PAX7: variants seen among roughly 807,000 people sequenced by gnomAD.
PAX7 encodes paired box 7.
In PAX7, 18 loss-of-function variants were observed where a neutral mutation model predicts 50.7. The ratio of observed to expected loss-of-function variants is 0.36; its 90% CI spans 0.25 to 0.53. The LOEUF is 0.53. PAX7 is among the 20% of genes least tolerant of loss of function. PAX7 has a pLI of 0.93. For missense variants in PAX7, 644 were observed against 702.9 expected (o/e 0.92, Z 0.95); for synonymous variants, 310 against 290.4 (o/e 1.07, Z -0.69).
intron 7 of PAX7, among the ~76,000 whole-genome samples, chr1:18,734,341 G>A (rs1326301049): frequency 6.6e-6 from 1 of 152,112 alleles, no homozygotes; most frequent in African/African-American, 2.4e-5. Context: ...ATCACCAGGA[G>A]GTCATCAGGG....
chr1:18,642,436 G>T (rs1250605580), intron 4 of PAX7, among the ~76,000 whole-genome samples: 10 of 152,202 alleles, frequency 6.6e-5, no homozygotes, highest in Admixed American at 6.5e-4. Flanking sequence ...GACCCCCAAA[G>T]AAAGGTTCTC....
chr1:18,739,643 G>C (rs964747591), intron 8 of PAX7, among the ~76,000 whole-genome samples: 1 of 152,184 alleles, frequency 6.6e-6, no homozygotes, highest in Non-Finnish European at 1.5e-5. Context: ...GGTTCCTGGA[G>C]AGCCACCTTC....
chr1:18,721,414 C>T (rs2089492271), intron 7 of PAX7, among the ~76,000 whole-genome samples: 2 of 152,206 alleles, frequency 1.3e-5, no homozygotes, highest in African/African-American at 2.4e-5. Flanking sequence ...TTCCCGAATC[C>T]CTTCCTGGTT....
intron 4 of PAX7, among the ~76,000 whole-genome samples, chr1:18,668,133 A>C (rs2088695925): frequency 6.6e-6 from 1 of 152,142 alleles, no homozygotes; most frequent in Non-Finnish European, 1.5e-5. Context: ...CCATTAAATC[A>C]AAATGGACAG....
chr1:18,666,205 C>A (rs961415356), intron 4 of PAX7, among the ~76,000 whole-genome samples: 3 of 152,208 alleles, frequency 2.0e-5, no homozygotes, highest in Non-Finnish European at 4.4e-5. Flanking sequence ...CTCCTTTCCC[C>A]AGGCTGTGCC....
Position 18,658,687 on chromosome 1 carries a change from G to A in PAX7, c.586+22316G>A, listed in dbSNP as rs116272647. Among the ~76,000 whole-genome samples, 292 of 152,346 alleles carry A rather than the reference G, an allele frequency of 1.9e-3. 2 individuals carry two copies. Among genetic ancestry groups the A allele is most frequent in the African/African-American group, 6.7e-3 (280 of 41,578 alleles). ...TTCTATGGCAGGCTTCTGCCCGGCT[G>A]ACTATGGCTCAGGCAGCTCAGAGAG... On this transcript the variant is annotated intron_variant, in intron 4 of 8. Transcript: ENST00000420770.
chr1:18,680,694 G>A (rs545545191), intron 4 of PAX7, among the ~76,000 whole-genome samples: 7 of 152,228 alleles, frequency 4.6e-5, no homozygotes, highest in South Asian at 2.1e-4. Flanking sequence ...AGGACCAAGC[G>A]GGCAAGCCCT....
intron 5 of PAX7, among the ~76,000 whole-genome samples, chr1:18,698,057 A>G (rs934569875): frequency 3.3e-5 from 5 of 152,154 alleles, no homozygotes; most frequent in African/African-American, 1.2e-4. Flanking sequence ...TTTATTCAGC[A>G]TTCTTTTTTT....
chr1:18,672,046 CA>C (rs1267590149), intron 4 of PAX7, among the ~76,000 whole-genome samples: 2 of 151,930 alleles, frequency 1.3e-5, no homozygotes, highest in Non-Finnish European at 2.9e-5. Flanking sequence ...GTGTAGTTGT[CA>C]AGATGAAATG....
intron 7 of PAX7, among the ~76,000 whole-genome samples, chr1:18,725,705 A>G (rs1200094218): frequency 2.0e-5 from 3 of 152,164 alleles, no homozygotes; most frequent in South Asian, 2.1e-4. Context: ...CTTCCCCCCG[A>G]GCCTCGCCGC....
At chr1:18,701,687 TC>T (rs1476145080) in intron 6 of PAX7, among the ~76,000 whole-genome samples, 26 of 152,068 alleles carry the variant, frequency 1.7e-4, no homozygotes, top group Non-Finnish European at 2.1e-4. Flanking sequence ...TATGAGGGAT[TC>T]CCCCCACTCT....
rs1557520261 is a variant in PAX7, at chr1:18,670,461, G to A, written c.587-21293G>A. Among the ~76,000 whole-genome samples the A allele has an allele frequency of 2.0e-5, 3 of 152,114 alleles. No homozygotes were observed. In the South Asian group the frequency reaches 6.2e-4, roughly 31 times the overall value. On this transcript the variant is annotated intron_variant, in intron 4 of 8. Coordinates refer to ENST00000420770, the MANE Select transcript of PAX7 (RefSeq NM_001135254.2). Reference sequence around the variant, plus strand: ...AAAGTCCTGAGTGCCCAGGCCCAGGGGACCTGTCTGCGCCCCTCCCACCTC... The same window carrying A: ...AAAGTCCTGAGTGCCCAGGCCCAGGAGACCTGTCTGCGCCCCTCCCACCTC...
intron 7 of PAX7, among the ~76,000 whole-genome samples, chr1:18,705,245 G>A (rs149759662): frequency 0.013 from 2,046 of 152,270 alleles, 40 homozygotes; most frequent in South Asian, 0.051. Flanking sequence ...TCAAGGTCAT[G>A]GCCTCCATCT....
At chr1:18,742,275 A>G (rs1366417022) in intron 8 of PAX7, among the ~76,000 whole-genome samples, 1 of 148,936 alleles carries the variant, frequency 6.7e-6, no homozygotes, top group Non-Finnish European at 1.5e-5. Context: ...CTCCTGCCTC[A>G]GCATCCCGAG....
In PAX7 at chr1:18,636,147, G is replaced by C; in HGVS notation, c.452-90G>C. 7.4e-7 allele frequency: 1 copy of C among 1,352,190 alleles called. No homozygotes were observed. Among genetic ancestry groups the C allele is most frequent in the South Asian group, 1.3e-5 (1 of 76,438 alleles). 83.8% of individuals were successfully genotyped at this position (1,352,190 alleles called of 1,614,324 possible). On this transcript the variant is annotated intron_variant, in intron 3 of 8. Coordinates refer to ENST00000420770, the MANE Select transcript of PAX7 (RefSeq NM_001135254.2). This position sits in a 1 kb window ranked among gnomAD's most constrained non-coding sequence, Gnocchi z 5.1. The stretch of plus-strand genomic sequence containing the variant: ...ATGGATATCTGTAAGGAAGCAGGGG[G>C]CTTCCTGACTTTCTCCCAGGGGCCC...
chr1:18,670,188 C>T (rs1293081878), intron 4 of PAX7, among the ~76,000 whole-genome samples: 1 of 152,094 alleles, frequency 6.6e-6, no homozygotes, highest in Non-Finnish European at 1.5e-5. Flanking sequence ...ATCTTAGACC[C>T]CCTGCCTATA....
Position 18,632,179 on chromosome 1 carries a change from C to T in PAX7, c.85+491C>T, listed in dbSNP as rs913391551. Among the ~76,000 whole-genome samples the T allele has an allele frequency of 2.0e-5, 3 of 152,190 alleles. No homozygotes were observed. Among genetic ancestry groups the T allele is most frequent in the African/African-American group, 7.2e-5 (3 of 41,434 alleles). ...ATATGCCTCAACTACCACGGCTATC[C>T]ATTTCTTCCGAAGCCACAGTCAAAC... On this transcript the variant is annotated intron_variant, in intron 1 of 8. Coordinates refer to ENST00000420770, the MANE Select transcript of PAX7 (RefSeq NM_001135254.2). The surrounding 1 kb of genome is among the most constrained non-coding windows in gnomAD (Gnocchi z 6.3).
chr1:18,709,037 G>T lies in PAX7; in HGVS notation c.1155+5741G>T, dbSNP rs529507142. ...GCAGGCAGGGTGCCTTGTGCTGGAG[G>T]CTTCCTCAGGGCCCAGGTGGTGTGT... On this transcript the variant is annotated intron_variant, in intron 7 of 8. Coordinates refer to ENST00000420770, the MANE Select transcript of PAX7 (RefSeq NM_001135254.2). 5.9e-5 allele frequency among the ~76,000 whole-genome samples: 9 copies of T among 152,306 alleles called. No individual in the cohort carries two copies. In the East Asian group the frequency reaches 1.5e-3, roughly 26 times the overall value.
rs1392426028 is a variant in PAX7 at position 18,692,277 on chromosome 1, C to T, written c.786+324C>T. ...GGGAGGGAGGCCAGGTGTGGTGGCT[C>T]ACACCTGAAATCCCAGCACTTCGGG... On this transcript the variant is annotated intron_variant, in intron 5 of 8. Transcript: ENST00000420770. 2.7e-5 allele frequency among the ~76,000 whole-genome samples: 4 copies of T among 148,710 alleles called. No homozygotes were observed. In the East Asian group the frequency reaches 6.2e-4, roughly 23 times the overall value.
Sources: allele counts gnomAD v4.1 joint callset (sites outside exome capture counted in the v4.1 genomes callset), GRCh38; gene constraint gnomAD v4.1.1; non-coding constraint Gnocchi (gnomAD v3.1); transcripts MANE v1.5; gene names NCBI Gene and HGNC (gene_info 2026-07-23, HGNC 2026-07-21).